The following KCTD8 variants were observed in gnomAD, a reference collection of about 807,000 sequenced individuals.
The protein encoded by KCTD8 is BTB/POZ domain-containing protein KCTD8.
In KCTD8, 27 loss-of-function variants were observed where a neutral mutation model predicts 31.5. The observed-to-expected ratio is 0.86, with a 90% CI of 0.63 to 1.18. KCTD8 has a LOEUF of 1.18. KCTD8 is among the 50% of genes most tolerant of loss of function. The pLI is 0.00. For synonymous variants in KCTD8, 290 were observed against 280.0 expected (o/e 1.04, Z -0.36); for missense variants, 658 against 647.7 (o/e 1.02, Z -0.17).
intron 1 of KCTD8, among the ~76,000 whole-genome samples, chr4:44,311,154 C>A (rs1232715219): frequency 6.6e-6 from 1 of 151,998 alleles, no homozygotes; most frequent in South Asian, 2.1e-4. Context: ...AAAACACAAA[C>A]AGCTTTTAGA....
chr4:44,442,798 C>CACACACACACAT (rs1192717440), intron 1 of KCTD8, among the ~76,000 whole-genome samples: 6 of 151,926 alleles, frequency 3.9e-5, no homozygotes, highest in Non-Finnish European at 7.4e-5. Flanking sequence ...CACACACACA[C>CACACACACACAT]AAATTGCAAG....
At chr4:44,408,808 G>A (rs1290774381) in intron 1 of KCTD8, among the ~76,000 whole-genome samples, 3 of 151,926 alleles carry the variant, frequency 2.0e-5, no homozygotes, top group Non-Finnish European at 4.4e-5. Flanking sequence ...TAGTAGAGAC[G>A]GGTTTTCACC....
intron 1 of KCTD8, among the ~76,000 whole-genome samples, chr4:44,342,073 A>C (rs1041758061): frequency 2.0e-5 from 3 of 152,164 alleles, no homozygotes; most frequent in African/African-American, 7.2e-5. Flanking sequence ...GTAAGCAGTA[A>C]TATTTTGAAA....
chr4:44,379,680 C>A (rs1412564701), intron 1 of KCTD8, among the ~76,000 whole-genome samples: 2 of 152,080 alleles, frequency 1.3e-5, no homozygotes, highest in African/African-American at 4.8e-5. Flanking sequence ...TGGCACACTG[C>A]AAACTATATC....
At chr4:44,352,483 T>A (rs1719228605) in intron 1 of KCTD8, among the ~76,000 whole-genome samples, 1 of 148,426 alleles carries the variant, frequency 6.7e-6, no homozygotes, top group Non-Finnish European at 1.5e-5. Flanking sequence ...AATAGAAATA[T>A]TACAAAATTA....
chr4:44,251,278 A>G (rs536107081), intron 1 of KCTD8, among the ~76,000 whole-genome samples: 16 of 151,684 alleles, frequency 1.1e-4, no homozygotes, highest in Non-Finnish European at 2.1e-4. Flanking sequence ...TCTTATATTC[A>G]TAAAAATTCA....
At chr4:44,361,138 C>T (rs1414721091) in intron 1 of KCTD8, among the ~76,000 whole-genome samples, 4 of 151,888 alleles carry the variant, frequency 2.6e-5, no homozygotes, top group South Asian at 2.1e-4. Context: ...AAATAACTCT[C>T]GGGTTCATTT....
At chr4:44,208,365 G>A (rs1714378856) in intron 1 of KCTD8, among the ~76,000 whole-genome samples, 1 of 152,218 alleles carries the variant, frequency 6.6e-6, no homozygotes, top group South Asian at 2.1e-4. Context: ...AATTACCTGA[G>A]AGTACAGCCA....
intron 1 of KCTD8, among the ~76,000 whole-genome samples, chr4:44,260,597 T>C (rs979817970): frequency 4.6e-5 from 7 of 151,930 alleles, no homozygotes; most frequent in African/African-American, 1.7e-4. Flanking sequence ...AGTTAAGCCA[T>C]GCAAATATCT....
intron 1 of KCTD8, among the ~76,000 whole-genome samples, chr4:44,388,682 G>T (rs1446573070): frequency 1.3e-5 from 2 of 151,488 alleles, no homozygotes; most frequent in African/African-American, 4.8e-5. Context: ...AGAGGAAAAT[G>T]ACACACAGGG....
At chr4:44,373,918 A>T (rs1466252081) in intron 1 of KCTD8, among the ~76,000 whole-genome samples, 1 of 152,176 alleles carries the variant, frequency 6.6e-6, no homozygotes. Flanking sequence ...AATGTCTCAG[A>T]TCTCACTCAT....
At chr4:44,362,398 A>T (rs1719521469) in intron 1 of KCTD8, among the ~76,000 whole-genome samples, 1 of 152,136 alleles carries the variant, frequency 6.6e-6, no homozygotes, top group Non-Finnish European at 1.5e-5. Flanking sequence ...CTTTACTATA[A>T]AATGAAGCAT....
At chr4:44,208,976 G>T (rs1294467164) in intron 1 of KCTD8, among the ~76,000 whole-genome samples, 4 of 152,044 alleles carry the variant, frequency 2.6e-5, no homozygotes, top group African/African-American at 7.2e-5. Flanking sequence ...TTTATTAAGG[G>T]TCATTTGATT....
At chr4:44,265,926 C>A (rs918985427) in intron 1 of KCTD8, among the ~76,000 whole-genome samples, 2 of 152,202 alleles carry the variant, frequency 1.3e-5, no homozygotes, top group African/African-American at 4.8e-5. Context: ...ATTGGTGTAC[C>A]TGAAAGTGAC....
chr4:44,346,591 A>T (rs1719043276), intron 1 of KCTD8, among the ~76,000 whole-genome samples: 1 of 152,148 alleles, frequency 6.6e-6, no homozygotes, highest in Non-Finnish European at 1.5e-5. Flanking sequence ...AAAAGATGAA[A>T]CTGGCTCAAA....
intron 1 of KCTD8, among the ~76,000 whole-genome samples, chr4:44,433,581 G>T (rs1486952416): frequency 6.6e-6 from 1 of 151,536 alleles, no homozygotes; most frequent in East Asian, 1.9e-4. Context: ...ATACCCCATA[G>T]ATTCTGTACT....
At chr4:44,270,447 T>C (rs59171383) in intron 1 of KCTD8, among the ~76,000 whole-genome samples, 9,065 of 149,812 alleles carry the variant, frequency 0.061, 922 homozygotes, top group African/African-American at 0.21. Flanking sequence ...TGCTAAATGA[T>C]GAGTTAATGG....
At chr4:44,201,260 T>G (rs1327198694) in intron 1 of KCTD8, among the ~76,000 whole-genome samples, 6 of 152,020 alleles carry the variant, frequency 3.9e-5, no homozygotes, top group Non-Finnish European at 7.4e-5. Context: ...TTCAATTATA[T>G]TATATCAAAC....
intron 1 of KCTD8, among the ~76,000 whole-genome samples, chr4:44,215,097 T>G (rs971948655): frequency 2.0e-5 from 3 of 152,136 alleles, no homozygotes; most frequent in Non-Finnish European, 4.4e-5. Context: ...ACTCCCCACT[T>G]TCTGACTCCT....
Sources: gnomAD v4.1 joint callset for allele counts (sites outside exome capture counted in the v4.1 genomes callset) on GRCh38, gnomAD v4.1.1 for gene constraint, MANE v1.5 for transcripts, NCBI Gene and HGNC (gene_info 2026-07-23, HGNC 2026-07-21) for gene names.